Variants in NOVA1 observed in about 807,000 individuals in gnomAD.
NOVA1 encodes NOVA alternative splicing regulator 1, also known as RNA-binding protein Nova-1.
A neutral mutation model predicts 38.0 loss-of-function variants in NOVA1; 7 were observed. That is an observed-to-expected ratio of 0.18 (90% CI 0.10 to 0.35). The LOEUF (loss-of-function observed/expected upper bound fraction) is 0.35. Ranked by LOEUF, NOVA1 falls within the 10% of genes least tolerant of loss-of-function variation. The pLI is 1.00. For synonymous variants in NOVA1, 270 were observed against 232.5 expected (o/e 1.16, Z -1.47); for missense variants, 460 against 616.0 (o/e 0.75, Z 2.68).
rs563401938 is a variant in NOVA1 at position 26,597,507 on chromosome 14, C to CTTTTT, written c.-76_-72dup. On this transcript the variant is annotated 5_prime_UTR_variant, in exon 1 of 5. Coordinates refer to ENST00000539517, the MANE Select transcript of NOVA1 (RefSeq NM_002515.3). ...GTTTTGGCTTTTTCTTTTCTTTTTT[C>CTTTTT]TTTTTTTTTTTTTTTTTTTTTTGCG... The CTTTTT allele has an allele frequency of 1.4e-4, 107 of 782,324 alleles. No homozygotes were observed. The highest frequency in any genetic ancestry group is 4.1e-4 in the African/African-American group (10 of 24,402). The allele number at this position is 782,324 out of a possible 1,614,324, so 48.5% of individuals were successfully genotyped here. A position where few individuals can be genotyped will look rare whatever the true frequency, so the allele number is the denominator to read the frequency against.
At chr14:26,595,939 C>A in intron 1 of NOVA1, 1 of 402,500 alleles carries the variant, frequency 2.5e-6, no homozygotes. Flanking sequence ...GACAAACCTT[C>A]ACTTAACATA....
At chr14:26,456,387 T>TG (rs1238439572) in intron 4 of NOVA1, among the ~76,000 whole-genome samples, 1 of 151,840 alleles carries the variant, frequency 6.6e-6, no homozygotes, top group Non-Finnish European at 1.5e-5. Flanking sequence ...AGGGGAAACG[T>TG]GGGAGTTAAC....
At chr14:26,538,838 T>C (rs1045520965) in intron 2 of NOVA1, among the ~76,000 whole-genome samples, 13 of 152,300 alleles carry the variant, frequency 8.5e-5, no homozygotes, top group African/African-American at 3.1e-4. Flanking sequence ...CTGTACATTA[T>C]CTTAAAGACC....
At chr14:26,513,167 G>A (rs886344316) in intron 2 of NOVA1, among the ~76,000 whole-genome samples, 2 of 151,814 alleles carry the variant, frequency 1.3e-5, no homozygotes, top group African/African-American at 4.8e-5. Context: ...ATCCTATAAT[G>A]TTCTTATAAA....
intron 2 of NOVA1, among the ~76,000 whole-genome samples, chr14:26,520,902 T>C (rs1348373111): frequency 6.6e-6 from 1 of 152,084 alleles, no homozygotes; most frequent in East Asian, 1.9e-4. Context: ...CTTTTCTAGC[T>C]CAAACACTGT....
At chr14:26,506,566 T>C (rs537423346) in intron 2 of NOVA1, among the ~76,000 whole-genome samples, 34 of 152,286 alleles carry the variant, frequency 2.2e-4, no homozygotes, top group African/African-American at 7.0e-4. Flanking sequence ...CCTCTGCAGA[T>C]AGAAAGACCA....
intron 1 of NOVA1, chr14:26,596,017 C>A: frequency 3.3e-6 from 1 of 304,916 alleles, no homozygotes; most frequent in Non-Finnish European, 6.3e-6. Context: ...TTAGCAGACA[C>A]ATAAGGACTA....
At chr14:26,494,134 T>C (rs562340777) in intron 2 of NOVA1, among the ~76,000 whole-genome samples, 5 of 152,304 alleles carry the variant, frequency 3.3e-5, no homozygotes, top group African/African-American at 1.2e-4. Flanking sequence ...TCTGTATCCT[T>C]CCCTGTCCCT....
intron 2 of NOVA1, among the ~76,000 whole-genome samples, chr14:26,586,567 T>C (rs1893524872): frequency 6.6e-6 from 1 of 151,082 alleles, no homozygotes; most frequent in Non-Finnish European, 1.5e-5. Flanking sequence ...AAATTTAACT[T>C]AGCCTACTTT....
chr14:26,449,555 C>G (rs1882445122), intron 4 of NOVA1, among the ~76,000 whole-genome samples: 1 of 152,020 alleles, frequency 6.6e-6, no homozygotes. Flanking sequence ...AAATTATTAG[C>G]ATTTTCATTT....
intron 2 of NOVA1, among the ~76,000 whole-genome samples, chr14:26,514,128 C>T (rs1888290633): frequency 6.6e-6 from 1 of 151,564 alleles, no homozygotes; most frequent in Admixed American, 6.6e-5. Flanking sequence ...CAGGATTGAT[C>T]ACATTTAACA....
intron 3 of NOVA1, among the ~76,000 whole-genome samples, chr14:26,473,314 AT>A (rs140054211): frequency 0.041 from 6,253 of 151,968 alleles, 187 homozygotes; most frequent in South Asian, 0.096. Context: ...GATGTTTAGA[AT>A]TTTTTTAAGT....
chr14:26,538,880 T>C (rs1890276271), intron 2 of NOVA1, among the ~76,000 whole-genome samples: 1 of 152,158 alleles, frequency 6.6e-6, no homozygotes, highest in Non-Finnish European at 1.5e-5. Flanking sequence ...TTCTGAAGGA[T>C]AGCCAACCCA....
At chr14:26,468,991 G>A (rs1417640338) in intron 4 of NOVA1, among the ~76,000 whole-genome samples, 1 of 152,134 alleles carries the variant, frequency 6.6e-6, no homozygotes, top group Non-Finnish European at 1.5e-5. Context: ...GAGTGACTGA[G>A]TAACTTAGTA....
intron 2 of NOVA1, among the ~76,000 whole-genome samples, chr14:26,524,994 T>C (rs1323634453): frequency 2.0e-5 from 3 of 152,184 alleles, no homozygotes; most frequent in Non-Finnish European, 4.4e-5. Flanking sequence ...AAACTATAGT[T>C]CAGAAATTCC....
chr14:26,541,106 A>T (rs1257680804), intron 2 of NOVA1, among the ~76,000 whole-genome samples: 1 of 152,138 alleles, frequency 6.6e-6, no homozygotes, highest in Non-Finnish European at 1.5e-5. Flanking sequence ...TAAGCAAAGA[A>T]TGATTGGGGT....
At chr14:26,557,760 G>C (rs1891583519) in intron 2 of NOVA1, among the ~76,000 whole-genome samples, 1 of 151,816 alleles carries the variant, frequency 6.6e-6, no homozygotes, top group Admixed American at 6.6e-5. Flanking sequence ...ATGCTCCTTG[G>C]TATTTACAAA....
At chr14:26,496,492 G>C (rs1886797375) in intron 2 of NOVA1, among the ~76,000 whole-genome samples, 1 of 151,952 alleles carries the variant, frequency 6.6e-6, no homozygotes, top group Non-Finnish European at 1.5e-5. Flanking sequence ...AAGCTCTTTA[G>C]TTTAATTAGA....
In NOVA1 at chr14:26,527,970, C is replaced by T. The variant is rs373584887; in HGVS notation, c.281-47827G>A. ...AAAAAAGGTAACTAGAGCCTAAAAA[C>T]GGCTTGGCTCCCAGAGGCATACACA... On this transcript the variant is annotated intron_variant, in intron 2 of 4. Transcript: ENST00000539517. 5.3e-5 allele frequency among the ~76,000 whole-genome samples: 8 copies of T among 152,126 alleles called. No homozygotes were observed. The South Asian group carries it at 8.3e-4, about 16-fold the overall frequency.
Sources: allele counts gnomAD v4.1 joint callset (sites outside exome capture counted in the v4.1 genomes callset), GRCh38; gene constraint gnomAD v4.1.1; transcripts MANE v1.5; gene names NCBI Gene and HGNC (gene_info 2026-07-23, HGNC 2026-07-21).